GABRA3: variants seen among roughly 807,000 people sequenced by gnomAD.
GABRA3 encodes gamma-aminobutyric acid type A receptor subunit alpha3, also known as gamma-aminobutyric acid receptor subunit alpha-3.
In GABRA3, 10 loss-of-function variants were observed where a neutral mutation model predicts 30.1. The observed-to-expected ratio is 0.33, with a 90% CI of 0.20 to 0.56. The LOEUF (loss-of-function observed/expected upper bound fraction) is 0.56, where lower values mean the gene tolerates loss of function less well. Ranked by LOEUF, GABRA3 falls within the 20% of genes least tolerant of loss-of-function variation. GABRA3 has a pLI of 0.89. For missense variants in GABRA3, 233 were observed against 392.0 expected (o/e 0.59, Z 3.42); for synonymous variants, 151 against 146.8 (o/e 1.03, Z -0.21).
chrX:152,199,191 C>G (rs898361423), intron 7 of GABRA3, among the ~76,000 whole-genome samples: 1 of 108,682 alleles, frequency 9.2e-6, no homozygotes, highest in Non-Finnish European at 1.9e-5. Context: ...ATGGTGAAAC[C>G]CCATCTCTAC....
At chrX:152,213,851 T>C (rs771596307) in intron 6 of GABRA3, among the ~76,000 whole-genome samples, 28 of 112,168 alleles carry the variant, frequency 2.5e-4, no homozygotes, top group African/African-American at 7.1e-4. Context: ...CTTCCCTTAA[T>C]GTGTATTTTG....
chrX:152,297,636 G>T (rs1322325399), intron 3 of GABRA3, among the ~76,000 whole-genome samples: 1 of 112,011 alleles, frequency 8.9e-6, no homozygotes, highest in Non-Finnish European at 1.9e-5. Flanking sequence ...CAAGCTTTAT[G>T]ACCTTGAATA....
At chrX:152,405,012 T>C (rs1929894100) in intron 1 of GABRA3, among the ~76,000 whole-genome samples, 2 of 108,873 alleles carry the variant, frequency 1.8e-5, no homozygotes, top group African/African-American at 6.7e-5. Flanking sequence ...AATACTCATG[T>C]AAGAGATCAA....
Position 152,199,162 on chromosome X carries a change from C to T in GABRA3, c.779-1377G>A, listed in dbSNP as rs144218573. On this transcript the variant is annotated intron_variant, in intron 7 of 9. Transcript: ENST00000370314. ...CGGGCAGATTACGAGGTCAGGAGAT[C>T]GAGACCATCCTGGCTAACATGGTGA... Among the ~76,000 whole-genome samples the T allele has an allele frequency of 2.7e-3, 297 of 110,220 alleles. 1 individual carries two copies. The highest frequency in any genetic ancestry group is 4.2e-3 in the Non-Finnish European group (219 of 52,714).
intron 3 of GABRA3, among the ~76,000 whole-genome samples, chrX:152,340,862 A>G (rs1409926975): frequency 9.1e-6 from 1 of 109,804 alleles, no homozygotes; most frequent in Non-Finnish European, 1.9e-5. Context: ...ATTTTAATCA[A>G]AGTTAGAATT....
chrX:152,318,243 C>T (rs1939907597), intron 3 of GABRA3, among the ~76,000 whole-genome samples: 1 of 111,295 alleles, frequency 9.0e-6, no homozygotes, highest in Non-Finnish European at 1.9e-5. Flanking sequence ...TGGAAACATA[C>T]AACCCTCCTA....
intron 3 of GABRA3, among the ~76,000 whole-genome samples, chrX:152,324,703 T>A: frequency 9.0e-6 from 1 of 111,655 alleles, no homozygotes; most frequent in Middle Eastern, 4.6e-3. Flanking sequence ...CAGATAAAAA[T>A]TATAGTCAAT....
intron 3 of GABRA3, among the ~76,000 whole-genome samples, chrX:152,328,257 T>TGTACC (rs1465515917): frequency 5.4e-5 from 6 of 111,664 alleles, no homozygotes; most frequent in Admixed American, 3.8e-4. Context: ...TACAGCCAAA[T>TGTACC]TCTAGCAGAG....
chrX:152,449,428 G>T (rs1421116944), intron 1 of GABRA3, among the ~76,000 whole-genome samples: 2 of 112,078 alleles, frequency 1.8e-5, no homozygotes, highest in Non-Finnish European at 3.8e-5. Context: ...AAAATTTTCG[G>T]CACAGAACAA....
At chrX:152,236,936 T>G (rs1382474019) in intron 5 of GABRA3, among the ~76,000 whole-genome samples, 1 of 105,394 alleles carries the variant, frequency 9.5e-6, no homozygotes, top group African/African-American at 3.5e-5. Context: ...TTTCTCCCAT[T>G]TTGTAGGTTG....
At chrX:152,197,215 A>C (rs896151759) in intron 8 of GABRA3, among the ~76,000 whole-genome samples, 4 of 111,762 alleles carry the variant, frequency 3.6e-5, no homozygotes, top group African/African-American at 1.3e-4. Flanking sequence ...TCATACTTTC[A>C]AAAAGGCTAG....
intron 3 of GABRA3, among the ~76,000 whole-genome samples, chrX:152,298,538 TACAAAGGACATGA>T (rs1443479738): frequency 9.0e-6 from 1 of 110,518 alleles, no homozygotes; most frequent in African/African-American, 3.3e-5. Context: ...TCCATGTCCC[TACAAAGGACATGA>T]ACTCATCATT....
intron 5 of GABRA3, among the ~76,000 whole-genome samples, chrX:152,251,510 C>T (rs1401525726): frequency 9.2e-6 from 1 of 109,268 alleles, no homozygotes; most frequent in Non-Finnish European, 1.9e-5. Context: ...CTCTATTTCT[C>T]CTCACTATTT....
intron 5 of GABRA3, among the ~76,000 whole-genome samples, chrX:152,238,019 C>A (rs1241667608): frequency 9.2e-6 from 1 of 109,027 alleles, no homozygotes; most frequent in Non-Finnish European, 1.9e-5. Flanking sequence ...GCCAGAACTT[C>A]CAACACTATG....
intron 9 of GABRA3, among the ~76,000 whole-genome samples, chrX:152,182,168 A>C (rs1292664448): frequency 6.4e-5 from 7 of 109,481 alleles, no homozygotes; most frequent in African/African-American, 1.7e-4. Flanking sequence ...CATTCTGTTA[A>C]TGTGGTGTAG....
intron 5 of GABRA3, among the ~76,000 whole-genome samples, chrX:152,225,966 A>C (rs1937944623): frequency 9.0e-6 from 1 of 111,066 alleles, no homozygotes; most frequent in Non-Finnish European, 1.9e-5. Flanking sequence ...TACAGGGCCC[A>C]AGTACTCCTT....
Position 152,262,768 on chromosome X carries a change from G to A in GABRA3, c.331-6770C>T, listed in dbSNP as rs113829381. On this transcript the variant is annotated intron_variant, in intron 4 of 9. Transcript: ENST00000370314. The stretch of plus-strand genomic sequence containing the variant: ...TTTCTTCTTCTGAGACCTCCAAACT[G>A]TTTCAACCTCTGCCTGTCATCCAGT... 5.6e-3 allele frequency among the ~76,000 whole-genome samples: 630 copies of A among 111,581 alleles called. 6 individuals are homozygous for A. The highest frequency in any genetic ancestry group is 0.02 in the African/African-American group (615 of 30,688).
At chrX:152,407,300 A>C (rs1215619476) in intron 1 of GABRA3, among the ~76,000 whole-genome samples, 1 of 111,891 alleles carries the variant, frequency 8.9e-6, no homozygotes, top group African/African-American at 3.2e-5. Flanking sequence ...ACTTGTTTTT[A>C]AAAAAATAAA....
chrX:152,260,074 C>T (rs1414735836), intron 4 of GABRA3, among the ~76,000 whole-genome samples: 1 of 109,914 alleles, frequency 9.1e-6, no homozygotes, highest in African/African-American at 3.3e-5. Flanking sequence ...GCTTTTGGGC[C>T]TTAAGGGAAC....
Sources: allele counts gnomAD v4.1 joint callset (sites outside exome capture counted in the v4.1 genomes callset), GRCh38; gene constraint gnomAD v4.1.1; transcripts MANE v1.5; gene names NCBI Gene and HGNC (gene_info 2026-07-23, HGNC 2026-07-21).